PTPRZ1: variants seen among roughly 807,000 people sequenced by gnomAD.
PTPRZ1 encodes protein tyrosine phosphatase receptor type Z1.
PTPRZ1 carries 82 observed loss-of-function variants against 214.1 expected under a neutral mutation model. The ratio of observed to expected loss-of-function variants is 0.38; its 90% CI spans 0.32 to 0.46. The LOEUF (loss-of-function observed/expected upper bound fraction) is 0.46. Among genes scored for constraint, PTPRZ1 ranks in the 20% least tolerant of loss-of-function variants. The probability of loss-of-function intolerance (pLI) is 1.00; values close to 1 mark genes in which losing one functional copy is unlikely to be tolerated. For synonymous variants in PTPRZ1, 945 were observed against 987.9 expected, an observed-to-expected ratio of 0.96 and a Z score of 0.81; for missense variants, 2,603 against 2,748.7, an observed-to-expected ratio of 0.95 and a Z score of 1.19.
chr7:122,002,663 G>A lies in PTPRZ1; in HGVS notation c.1241-1951G>A, dbSNP rs191104322. On this transcript the variant is annotated intron_variant, in intron 10 of 29. Transcript: ENST00000393386. Reference sequence around the variant, plus strand: ...CATACCCTTCCCCAACCCTTATTACGATTAAATAAGAAAATTATATTTGCC... The same window carrying A: ...CATACCCTTCCCCAACCCTTATTACAATTAAATAAGAAAATTATATTTGCC... Among the ~76,000 whole-genome samples the A allele has an allele frequency of 3.5e-3, 533 of 152,208 alleles. 4 individuals carry two copies. The highest frequency in any genetic ancestry group is 0.012 in the African/African-American group (485 of 41,532).
At chr7:121,874,181 T>G (rs1452523026) in intron 1 of PTPRZ1, among the ~76,000 whole-genome samples, 1 of 152,064 alleles carries the variant, frequency 6.6e-6, no homozygotes, top group Admixed American at 6.5e-5. Context: ...AAGTTCCATC[T>G]AAATCTCTAG....
chr7:121,881,505 A>C (rs1794238013), intron 1 of PTPRZ1, among the ~76,000 whole-genome samples: 1 of 152,196 alleles, frequency 6.6e-6, no homozygotes, highest in Admixed American at 6.5e-5. Flanking sequence ...GACTGAAACC[A>C]CAGATCTAGG....
chr7:122,020,574 A>G (rs554722380), intron 13 of PTPRZ1, among the ~76,000 whole-genome samples: 8 of 152,208 alleles, frequency 5.3e-5, no homozygotes, highest in Non-Finnish European at 1.0e-4. Flanking sequence ...TGTTTCGGAC[A>G]CAGTGAGGTC....
chr7:122,020,322 T>TA (rs1798978167), intron 13 of PTPRZ1, among the ~76,000 whole-genome samples: 1 of 152,174 alleles, frequency 6.6e-6, no homozygotes, highest in Non-Finnish European at 1.5e-5. Context: ...GAATTTGTTA[T>TA]AAAAATGTAT....
Position 121,983,842 on chromosome 7 carries a change from CA to C in PTPRZ1, c.777+23del. The C allele has an allele frequency of 6.2e-7, 1 of 1,605,242 alleles. No homozygotes were observed. The highest frequency in any genetic ancestry group is 1.3e-5 in the African/African-American group (1 of 74,664). ...AGCCAGGTAATCTTAGAAATTCAAACAAATCAAGTAATTCAAAGCCATTTAA... is the reference window on the plus strand; with the variant it reads ...AGCCAGGTAATCTTAGAAATTCAAACAATCAAGTAATTCAAAGCCATTTAA... On this transcript the variant is annotated intron_variant, in intron 7 of 29. Coordinates refer to ENST00000393386, the MANE Select transcript of PTPRZ1 (RefSeq NM_002851.3).
chr7:121,960,589 T>C (rs1796845137), intron 2 of PTPRZ1, among the ~76,000 whole-genome samples: 1 of 152,194 alleles, frequency 6.6e-6, no homozygotes, highest in Admixed American at 6.5e-5. Flanking sequence ...CAATTATAAT[T>C]ATTTTTCCAT....
chr7:122,032,245 A>G (rs1799401489), intron 15 of PTPRZ1, among the ~76,000 whole-genome samples: 1 of 152,182 alleles, frequency 6.6e-6, no homozygotes, highest in African/African-American at 2.4e-5. Flanking sequence ...CCCTTTGTGA[A>G]CACCTTCTTA....
intron 23 of PTPRZ1, among the ~76,000 whole-genome samples, chr7:122,050,398 G>C (rs957907273): frequency 9.3e-5 from 13 of 140,256 alleles, no homozygotes; most frequent in African/African-American, 3.1e-4. Flanking sequence ...ACTCCAGCCT[G>C]GGTGACAGAG....
At chr7:121,972,224 T>C (rs1272779407) in intron 3 of PTPRZ1, among the ~76,000 whole-genome samples, 1 of 152,116 alleles carries the variant, frequency 6.6e-6, no homozygotes, top group African/African-American at 2.4e-5. Flanking sequence ...TATTACCATC[T>C]GACATCTTAG....
intron 6 of PTPRZ1, 81 bp from the exon 7 acceptor site, chr7:121,983,584 G>C: frequency 8.0e-7 from 1 of 1,249,192 alleles, no homozygotes; most frequent in Admixed American, 2.3e-5. Context: ...AACAAAGCAT[G>C]TGTCTCTGTT....
intron 11 of PTPRZ1, among the ~76,000 whole-genome samples, chr7:122,008,535 C>G (rs567332065): frequency 6.6e-6 from 1 of 152,028 alleles, no homozygotes; most frequent in African/African-American, 2.4e-5. Flanking sequence ...TTAGTTATAA[C>G]AGGACAGGAG....
chr7:121,958,275 T>C (rs922038092), intron 2 of PTPRZ1, among the ~76,000 whole-genome samples: 2 of 152,240 alleles, frequency 1.3e-5, no homozygotes, highest in Non-Finnish European at 2.9e-5. Context: ...TCCAAACTCA[T>C]TCTTCACTCA....
intron 2 of PTPRZ1, among the ~76,000 whole-genome samples, chr7:121,959,155 C>G (rs1296134202): frequency 8.5e-5 from 13 of 152,106 alleles, no homozygotes; most frequent in African/African-American, 3.1e-4. Context: ...TATCATAATG[C>G]TAAAAGGAAT....
At chr7:121,878,982 C>T (rs1360423504) in intron 1 of PTPRZ1, among the ~76,000 whole-genome samples, 1 of 152,164 alleles carries the variant, frequency 6.6e-6, no homozygotes, top group African/African-American at 2.4e-5. Context: ...GTAAGGTCAG[C>T]ATTCACCTTG....
intron 27 of PTPRZ1, among the ~76,000 whole-genome samples, chr7:122,057,310 G>A (rs1792383602): frequency 6.6e-6 from 1 of 151,582 alleles, no homozygotes; most frequent in Admixed American, 6.6e-5. Flanking sequence ...ATCTCTTGTT[G>A]GTTTTAATTT....
intron 1 of PTPRZ1, among the ~76,000 whole-genome samples, chr7:121,903,966 T>TCTCACACACACA (rs1554427276): frequency 3.2e-5 from 4 of 123,846 alleles, no homozygotes; most frequent in African/African-American, 1.2e-4. Flanking sequence ...TCTTTAAATC[T>TCTCACACACACA]CACACACACA....
Position 122,044,478 on chromosome 7 carries a change from T to A in PTPRZ1, c.5994T>A (p.Thr1998=). The A allele has an allele frequency of 6.2e-7, 1 of 1,613,940 alleles. No individual in the cohort carries two copies. Among genetic ancestry groups the A allele is most frequent in the Non-Finnish European group, 8.5e-7 (1 of 1,179,844 alleles). Residue 1998 remains threonine (T), a synonymous_variant, in exon 23 of 30, where the codon ACT becomes ACA. Transcript: ENST00000393386. ...TLVEAILSKE[T]EVLDSHIHAY... ...TTGAGGCCATACTTAGTAAAGAAAC[T>A]GAGGTGCTGGACAGTCATATTCATG...
chr7:122,058,826 C>T lies in PTPRZ1; in HGVS notation c.6555C>T (p.His2185=). Reference sequence around the variant, plus strand: ...ATGATTATGTACTTGAAGTGAGGCACTTTCAGTGTCCTAAATGGCCAAATC... The same window carrying T: ...ATGATTATGTACTTGAAGTGAGGCATTTTCAGTGTCCTAAATGGCCAAATC... ...TQDDYVLEVR[H]FQCPKWPNPD... The change falls in exon 28 of 30, where the codon CAC becomes CAT. Residue 2185 remains histidine (H), a synonymous_variant. Coordinates refer to ENST00000393386, the MANE Select transcript of PTPRZ1 (RefSeq NM_002851.3). 6.2e-7 allele frequency: 1 copy of T among 1,606,540 alleles called. No individual in the cohort carries two copies. Among genetic ancestry groups the T allele is most frequent in the Non-Finnish European group, 8.5e-7 (1 of 1,173,582 alleles).
At chr7:122,034,185 A>G in intron 16 of PTPRZ1, 70 bp downstream of exon 16, 1 of 1,564,806 alleles carries the variant, frequency 6.4e-7, no homozygotes, top group Admixed American at 1.7e-5. Flanking sequence ...ATTTCATTTG[A>G]TAGATTATTT....
Sources: allele counts gnomAD v4.1 joint callset (sites outside exome capture counted in the v4.1 genomes callset), GRCh38; gene constraint gnomAD v4.1.1; transcripts MANE v1.5; gene names NCBI Gene and HGNC (gene_info 2026-07-23, HGNC 2026-07-21).